MYSM1: variants seen among roughly 807,000 people sequenced by gnomAD.
The protein encoded by MYSM1 is deubiquitinase MYSM1.
In MYSM1, 51 loss-of-function variants were observed where a neutral mutation model predicts 116.0. That is an observed-to-expected ratio of 0.44 (90% CI 0.35 to 0.56). MYSM1 has a LOEUF of 0.56. MYSM1 is among the 20% of genes least tolerant of loss of function. The pLI is 0.00. For synonymous variants in MYSM1, 313 were observed against 315.2 expected (o/e 0.99, Z 0.07); for missense variants, 900 against 974.9 (o/e 0.92, Z 1.02).
At position 58,673,629 on chromosome 1, in the gene MYSM1, G is replaced by A. The variant is rs780757165; in HGVS notation, c.1516C>T (p.Arg506Ter). 3 of 1,613,848 alleles carry A rather than the reference G, an allele frequency of 1.9e-6. No homozygotes were observed. Among genetic ancestry groups the A allele is most frequent in the South Asian group, 1.1e-5 (1 of 91,058 alleles). Reference sequence around the variant, plus strand: ...TCACACCAGTTTCCCCATGGGTCTCGGACCCTACGTCTCCTTGTACGCTGC... The same window carrying A: ...TCACACCAGTTTCCCCATGGGTCTCAGACCCTACGTCTCCTTGTACGCTGC... ...QSMRTRRRRV[R>*]DPWGNWCDAK... Residue 506 changes from arginine to a stop codon, truncating the protein, a stop_gained, in exon 11 of 20, where the codon CGA (arginine) becomes TGA (stop). Transcript: ENST00000472487. LOFTEE classifies it high-confidence loss of function.
At position 58,673,580 on chromosome 1, in the gene MYSM1, G is replaced by A. The variant is rs766852339; in HGVS notation, c.1565C>T (p.Thr522Met). 9 of 1,613,800 alleles carry A rather than the reference G, an allele frequency of 5.6e-6. No individual in the cohort carries two copies. The highest frequency in any genetic ancestry group is 2.2e-5 in the East Asian group (1 of 44,864). ...WCDAKDLEGQ[T>M]FEHLSAEELA... ...TTGAAAGGTCAAAGTTACCTCAAAC[G>A]TTTGTCCTTCTAAGTCCTTTGCATC... Residue 522 changes from threonine to methionine, a missense_variant, in exon 11 of 20, where the codon ACG (threonine) becomes ATG (methionine). Physicochemically the swap from Thr to Met is moderately conservative, Grantham distance 81. This residue lies in a region of MYSM1 where 622 missense variants were observed against 623.7 expected (regional missense o/e 1.00). Transcript: ENST00000472487.
At chr1:58,671,789 T>C (rs561566171) in intron 12 of MYSM1, 81 bp downstream of exon 12, 1 of 1,018,778 alleles carries the variant, frequency 9.8e-7, no homozygotes. Flanking sequence ...AACAATATAA[T>C]GCAGCTATTG....
intron 1 of MYSM1, among the ~76,000 whole-genome samples, chr1:58,698,043 T>C (rs1645003887): frequency 7.1e-6 from 1 of 141,108 alleles, no homozygotes; most frequent in South Asian, 2.3e-4. Context: ...CTAAATTCCA[T>C]ACGGTTGGAG....
intron 1 of MYSM1, among the ~76,000 whole-genome samples, chr1:58,696,749 T>G (rs1644979311): frequency 6.6e-6 from 1 of 152,244 alleles, no homozygotes; most frequent in Admixed American, 6.5e-5. Flanking sequence ...AACAAGAATG[T>G]TCTATGAGAG....
chr1:58,695,081 G>A, intron 2 of MYSM1, 48 bp downstream of exon 2: 1 of 1,101,448 alleles, frequency 9.1e-7, no homozygotes, highest in Non-Finnish European at 1.4e-6. Flanking sequence ...AGCACTCTAG[G>A]CAATAAATAA....
chr1:58,661,039 A>G (rs1644383051), intron 19 of MYSM1, 131 bp downstream of exon 19: 2 of 679,930 alleles, frequency 2.9e-6, no homozygotes. Context: ...TTAATTTTCC[A>G]AAGGAAAAAG....
In MYSM1 at chr1:58,667,049, C is replaced by A; in HGVS notation, c.2020G>T (p.Ala674Ser). 1.2e-6 allele frequency: 2 copies of A among 1,606,688 alleles called. No homozygotes were observed. Among genetic ancestry groups the A allele is most frequent in the South Asian group, 1.1e-5 (1 of 90,194 alleles). Residue 674 changes from alanine (A) to serine (S), a missense_variant, in exon 16 of 20, where the codon GCT (alanine) becomes TCT (serine). By Grantham distance (99) the Ala-to-Ser change is moderately conservative. Coordinates refer to ENST00000472487, the MANE Select transcript of MYSM1 (RefSeq NM_001085487.3). The part of the protein sequence containing the change: ...NPSLRDIDTQ[A>S]KYQSYFSRGG... Reference sequence around the variant, plus strand: ...TATACATGTAATACCTGGTATTTAGCTTGTGTGTCAATATCTCGTAAGGAA... The same window carrying A: ...TATACATGTAATACCTGGTATTTAGATTGTGTGTCAATATCTCGTAAGGAA...
At chr1:58,695,089 T>C in intron 2 of MYSM1, 40 bp downstream of exon 2, 1 of 1,283,182 alleles carries the variant, frequency 7.8e-7, no homozygotes, top group South Asian at 1.3e-5. Flanking sequence ...AGGCAATAAA[T>C]AACAGCTTAA....
At chr1:58,690,195 A>C (rs1427257404) in intron 5 of MYSM1, 31 bp downstream of exon 5, 1 of 1,456,012 alleles carries the variant, frequency 6.9e-7, no homozygotes, top group Non-Finnish European at 9.2e-7. Flanking sequence ...TAATGAAAAC[A>C]GATTTATAAA....
intron 8 of MYSM1, among the ~76,000 whole-genome samples, chr1:58,679,037 C>T (rs1281186917): frequency 2.0e-5 from 3 of 152,300 alleles, no homozygotes; most frequent in Non-Finnish European, 2.9e-5. Context: ...GGGAGGCATT[C>T]AGTAATGGTA....
At chr1:58,667,805 G>T in intron 15 of MYSM1, 42 bp downstream of exon 15, 1 of 1,148,418 alleles carries the variant, frequency 8.7e-7, no homozygotes, top group Non-Finnish European at 1.3e-6. Context: ...TATGGTAGTA[G>T]GACTAAATAA....
At chr1:58,678,508 C>T (rs1047259911) in intron 8 of MYSM1, among the ~76,000 whole-genome samples, 4 of 152,008 alleles carry the variant, frequency 2.6e-5, no homozygotes, top group Non-Finnish European at 4.4e-5. Flanking sequence ...CGATCTTTTC[C>T]CCCTAACAAA....
chr1:58,696,062 T>C (rs1432576909), intron 1 of MYSM1, among the ~76,000 whole-genome samples: 2 of 152,236 alleles, frequency 1.3e-5, no homozygotes, highest in African/African-American at 2.4e-5. Flanking sequence ...GTAGTTATAA[T>C]AAATTGTGGG....
chr1:58,679,975 T>A (rs1188576991), intron 8 of MYSM1, among the ~76,000 whole-genome samples: 1 of 146,010 alleles, frequency 6.8e-6, no homozygotes, highest in Non-Finnish European at 1.5e-5. Flanking sequence ...TGCAGTGAGC[T>A]GAGATCATGC....
At chr1:58,690,989 G>A (rs972548895) in intron 3 of MYSM1, among the ~76,000 whole-genome samples, 1 of 152,102 alleles carries the variant, frequency 6.6e-6, no homozygotes, top group Non-Finnish European at 1.5e-5. Context: ...ATTAGAACTA[G>A]CCTGATGAGG....
intron 11 of MYSM1, 60 bp from the exon 12 acceptor site, chr1:58,672,018 T>G (rs770744356): frequency 1.5e-6 from 2 of 1,372,184 alleles, no homozygotes; most frequent in Non-Finnish European, 2.1e-6. Context: ...AGAATAAAAA[T>G]AGTCCTTTAA....
intron 12 of MYSM1, 32 bp from the exon 13 acceptor site, chr1:58,669,070 TCAA>T (rs762277333): frequency 7.0e-7 from 1 of 1,432,238 alleles, no homozygotes; most frequent in South Asian, 1.2e-5. Context: ...CAATACAATC[TCAA>T]CAAGATTAGG....
chr1:58,669,691 G>A (rs1474383742), intron 12 of MYSM1, among the ~76,000 whole-genome samples: 1 of 151,776 alleles, frequency 6.6e-6, no homozygotes, highest in Non-Finnish European at 1.5e-5. Context: ...AGCTGAGCGT[G>A]GTGGCGTGTG....
chr1:58,674,692 A>G (rs1278756429), intron 10 of MYSM1, among the ~76,000 whole-genome samples: 3 of 152,052 alleles, frequency 2.0e-5, no homozygotes, highest in Admixed American at 1.3e-4. Context: ...TCGGGAGGCC[A>G]AGGCGGGCGG....
Sources: allele counts gnomAD v4.1 joint callset (sites outside exome capture counted in the v4.1 genomes callset), GRCh38; gene constraint gnomAD v4.1.1; regional missense constraint gnomAD v4.1.1; transcripts MANE v1.5; gene names NCBI Gene and HGNC (gene_info 2026-07-23, HGNC 2026-07-21).